Variants in RANBP17 observed in about 807,000 individuals in gnomAD.
RANBP17 encodes the protein RAN binding protein 17.
In RANBP17, 158 loss-of-function variants were observed where a neutral mutation model predicts 141.2. The observed-to-expected ratio is 1.12, with a 90% CI of 0.98 to 1.28. The LOEUF (loss-of-function observed/expected upper bound fraction) is 1.28. Among genes scored for constraint, RANBP17 ranks in the 50% most tolerant of loss-of-function variants. The pLI, the probability that RANBP17 is intolerant of heterozygous loss-of-function variation, is 0.00. For synonymous variants in RANBP17, 430 were observed against 450.0 expected (o/e 0.96, Z 0.56); for missense variants, 1,438 against 1,290.7 (o/e 1.11, Z -1.75).
intron 24 of RANBP17, chr5:171,252,132 A>G: frequency 6.3e-7 from 1 of 1,593,462 alleles, no homozygotes; most frequent in Non-Finnish European, 8.6e-7. Context: ...GAAGTTCATC[A>G]CAAGATTACA....
chr5:171,201,490 C>T (rs915993525), intron 19 of RANBP17, among the ~76,000 whole-genome samples: 4 of 152,218 alleles, frequency 2.6e-5, no homozygotes, highest in African/African-American at 7.2e-5. Context: ...TCCGTGCTTC[C>T]GTCCTAAATG....
At chr5:170,948,623 G>A (rs775930251) in intron 12 of RANBP17, among the ~76,000 whole-genome samples, 4 of 152,134 alleles carry the variant, frequency 2.6e-5, no homozygotes, top group Non-Finnish European at 5.9e-5. Flanking sequence ...TTGTTAAGAT[G>A]GCAGTACTCT....
At chr5:171,136,418 T>C (rs245747) in intron 14 of RANBP17, among the ~76,000 whole-genome samples, 16,230 of 152,082 alleles carry the variant, frequency 0.11, 1,054 homozygotes, top group Middle Eastern at 0.18. Context: ...TTTTTTTCTT[T>C]TCTTTTCTTT....
At chr5:171,086,846 T>C (rs1423007664) in intron 14 of RANBP17, among the ~76,000 whole-genome samples, 1 of 147,796 alleles carries the variant, frequency 6.8e-6, no homozygotes, top group Non-Finnish European at 1.5e-5. Context: ...TATTTGATTC[T>C]TCTCTCTTTT....
chr5:171,005,808 A>G lies in RANBP17; in HGVS notation c.1710+37431A>G, dbSNP rs570645418. ...AAACTACCATCAGAGTGAACAGGCAACCTACAGAATGGGGGAAAATTTTTG... is the reference window on the plus strand; with the variant it reads ...AAACTACCATCAGAGTGAACAGGCAGCCTACAGAATGGGGGAAAATTTTTG... On this transcript the variant is annotated intron_variant, in intron 14 of 27. Coordinates refer to ENST00000523189, the MANE Select transcript of RANBP17 (RefSeq NM_022897.5). Among the ~76,000 whole-genome samples the G allele has an allele frequency of 2.1e-3, 321 of 152,318 alleles. 9 individuals carry two copies. The East Asian group carries it at 0.022, about 11-fold the overall frequency.
intron 25 of RANBP17, among the ~76,000 whole-genome samples, chr5:171,289,371 C>T (rs1581190388): frequency 1.3e-5 from 2 of 152,230 alleles, no homozygotes; most frequent in South Asian, 4.1e-4. Context: ...ATACAGTTCA[C>T]TCTCTAGCAG....
Position 171,148,873 on chromosome 5 carries a change from A to G in RANBP17, c.1711-21257A>G, listed in dbSNP as rs1758274123. Among the ~76,000 whole-genome samples the G allele has an allele frequency of 2.6e-5, 4 of 152,184 alleles. No individual in the cohort carries two copies. The South Asian group carries it at 8.3e-4, about 31-fold the overall frequency. Reference sequence around the variant, plus strand: ...TGTCTACCTGCTTCATAGACTTACCATGTTGATTAAATGAGATAAAGTATA... The same window carrying G: ...TGTCTACCTGCTTCATAGACTTACCGTGTTGATTAAATGAGATAAAGTATA... On this transcript the variant is annotated intron_variant, in intron 14 of 27. Transcript: ENST00000523189.
At chr5:171,107,301 T>C (rs751707343) in intron 14 of RANBP17, among the ~76,000 whole-genome samples, 21 of 152,208 alleles carry the variant, frequency 1.4e-4, no homozygotes, top group Admixed American at 4.6e-4. Context: ...TGCTAGTTAG[T>C]ATCACATGAT....
Position 171,183,084 on chromosome 5 carries a change from C to A in RANBP17, c.1866-83C>A, listed in dbSNP as rs1581808294. The A allele has an allele frequency of 1.3e-5, 9 of 709,180 alleles. No homozygotes were observed. The East Asian group carries it at 2.4e-4, about 19-fold the overall frequency. The allele number at this position is 709,180 out of a possible 1,614,324, so 43.9% of individuals were successfully genotyped here. A position where few individuals can be genotyped will look rare whatever the true frequency, so the allele number is the denominator to read the frequency against. ...ATTTTTTTATAAGTAGAAATTGATG[C>A]CACTACAGTTCACTGTTACTTTGTG... On this transcript the variant is annotated intron_variant, in intron 16 of 27. Transcript: ENST00000523189.
At chr5:170,872,493 C>T (rs577608711) in intron 1 of RANBP17, among the ~76,000 whole-genome samples, 14 of 152,210 alleles carry the variant, frequency 9.2e-5, no homozygotes, top group Admixed American at 3.3e-4. Context: ...TATTTGAATA[C>T]CCTTTATTTC....
chr5:171,192,476 C>T (rs1761714233), intron 18 of RANBP17, among the ~76,000 whole-genome samples: 1 of 152,050 alleles, frequency 6.6e-6, no homozygotes, highest in Admixed American at 6.5e-5. Context: ...CTGCAGTGGG[C>T]AGTGTATTTT....
intron 13 of RANBP17, among the ~76,000 whole-genome samples, chr5:170,955,582 GTATATATATATATATATATATATATA>G (rs869169939): frequency 2.4e-5 from 1 of 41,676 alleles, no homozygotes; most frequent in African/African-American, 9.6e-5. Flanking sequence ...CAGTCTGTGT[GTATATATATATATATATATATATATA>G]TGCTCAGTGT....
chr5:171,129,685 TTAG>T (rs1278133062), intron 14 of RANBP17, among the ~76,000 whole-genome samples: 1 of 152,204 alleles, frequency 6.6e-6, no homozygotes, highest in Non-Finnish European at 1.5e-5. Flanking sequence ...CAGAAATAAA[TTAG>T]TATGAAATTT....
At chr5:171,071,527 T>G (rs939594382) in intron 14 of RANBP17, among the ~76,000 whole-genome samples, 1 of 151,552 alleles carries the variant, frequency 6.6e-6, no homozygotes, top group Non-Finnish European at 1.5e-5. Flanking sequence ...TGAGACAGAA[T>G]AGAGAGCTCA....
At position 171,139,989 on chromosome 5, in the gene RANBP17, ACT is replaced by A. The variant is rs569161052; in HGVS notation, c.1711-30136_1711-30135del. Among the ~76,000 whole-genome samples the A allele has an allele frequency of 4.8e-3, 729 of 151,940 alleles. 4 individuals carry two copies. The highest frequency in any genetic ancestry group is 0.017 in the African/African-American group (710 of 41,432). On this transcript the variant is annotated intron_variant, in intron 14 of 27. Coordinates refer to ENST00000523189, the MANE Select transcript of RANBP17 (RefSeq NM_022897.5). ...TTCTTTAAGACCCTCAGCAGCATAA[ACT>A]CTCTTATAACTCCAGGACTTTACAT... is the stretch of plus-strand genomic sequence containing the variant.
At chr5:171,131,843 T>C (rs994603263) in intron 14 of RANBP17, among the ~76,000 whole-genome samples, 5 of 152,232 alleles carry the variant, frequency 3.3e-5, no homozygotes, top group African/African-American at 1.2e-4. Context: ...TTTGTTTGTT[T>C]GTACTGCATT....
intron 22 of RANBP17, among the ~76,000 whole-genome samples, chr5:171,236,462 T>G (rs900441509): frequency 2.0e-5 from 3 of 152,196 alleles, no homozygotes; most frequent in Non-Finnish European, 2.9e-5. Flanking sequence ...CCCCTGCAGC[T>G]AATTCTCTAT....
intron 14 of RANBP17, among the ~76,000 whole-genome samples, chr5:171,114,994 G>T (rs1466880173): frequency 6.6e-6 from 1 of 151,970 alleles, no homozygotes; most frequent in African/African-American, 2.4e-5. Context: ...TGCGCCTATA[G>T]GCCCAACTGC....
chr5:171,002,744 T>C (rs1210440730), intron 14 of RANBP17, among the ~76,000 whole-genome samples: 1 of 152,150 alleles, frequency 6.6e-6, no homozygotes. Context: ...GAGTGGCGAT[T>C]AGGCCTGGTA....
Sources: gnomAD v4.1 joint callset for allele counts (sites outside exome capture counted in the v4.1 genomes callset) on GRCh38, gnomAD v4.1.1 for gene constraint, MANE v1.5 for transcripts, NCBI Gene and HGNC (gene_info 2026-07-23, HGNC 2026-07-21) for gene names.